Variants in ZFAT observed in about 807,000 individuals in gnomAD.
The protein encoded by ZFAT is zinc finger and AT-hook domain containing, also known as zinc finger protein ZFAT.
In ZFAT, 64 loss-of-function variants were observed where a neutral mutation model predicts 117.7. The ratio of observed to expected loss-of-function variants is 0.54; its 90% confidence interval spans 0.44 to 0.67. ZFAT has a LOEUF of 0.67. Among genes scored for constraint, ZFAT ranks in the 30% least tolerant of loss-of-function variants. The probability of loss-of-function intolerance (pLI) is 0.00; values close to 1 mark genes in which losing one functional copy is unlikely to be tolerated. For synonymous variants in ZFAT, 679 were observed against 615.0 expected (o/e 1.10, Z -1.54); for missense variants, 1,433 against 1,584.5 (o/e 0.90, Z 1.62).
intron 3 of ZFAT, among the ~76,000 whole-genome samples, chr8:134,630,884 T>C (rs1033117106): frequency 6.6e-6 from 1 of 152,228 alleles, no homozygotes. Context: ...AGGTCAGTTG[T>C]TTGAAATGTC....
chr8:134,589,664 G>A (rs1328295114), intron 8 of ZFAT, among the ~76,000 whole-genome samples: 6 of 152,196 alleles, frequency 3.9e-5, no homozygotes, highest in African/African-American at 1.2e-4. Flanking sequence ...GCAGGGGTGC[G>A]GGGTGGACCC....
the ZFAT span, among the ~76,000 whole-genome samples, chr8:134,808,175 T>G: frequency 6.6e-6 from 1 of 151,934 alleles, no homozygotes; most frequent in African/African-American, 2.4e-5. Flanking sequence ...GACATGCACA[T>G]GCACACATGC....
intron 15 of ZFAT, among the ~76,000 whole-genome samples, chr8:134,488,282 A>C (rs1817797212): frequency 6.6e-6 from 1 of 152,208 alleles, no homozygotes; most frequent in African/African-American, 2.4e-5. Flanking sequence ...TGGGGCTGGA[A>C]GTGACTGAGA....
the ZFAT span, among the ~76,000 whole-genome samples, chr8:134,774,580 C>T: frequency 6.6e-6 from 1 of 152,158 alleles, no homozygotes; most frequent in Non-Finnish European, 1.5e-5. Flanking sequence ...AAGATATGTA[C>T]ACTTTTTAGG....
At chr8:134,719,745 G>T in the ZFAT span, among the ~76,000 whole-genome samples, 1 of 152,238 alleles carries the variant, frequency 6.6e-6, no homozygotes, top group Non-Finnish European at 1.5e-5. Flanking sequence ...CTGTGAATGT[G>T]CAGAGGGGAA....
the ZFAT span, chr8:134,784,676 T>A: frequency 6.6e-6 from 1 of 152,200 alleles, no homozygotes; most frequent in African/African-American, 2.4e-5. Context: ...AATTGTTTTA[T>A]CATACATATG....
At chr8:134,772,432 C>G in the ZFAT span, among the ~76,000 whole-genome samples, 1 of 152,116 alleles carries the variant, frequency 6.6e-6, no homozygotes, top group Non-Finnish European at 1.5e-5. Flanking sequence ...AAGATCAAAC[C>G]AACCACAATA....
At chr8:134,749,655 A>G in the ZFAT span, among the ~76,000 whole-genome samples, 5 of 152,208 alleles carry the variant, frequency 3.3e-5, no homozygotes, top group Non-Finnish European at 7.3e-5. Context: ...AACTGATTTT[A>G]CATACAGTAT....
At chr8:134,601,410 C>A in intron 6 of ZFAT, 67 bp downstream of exon 6, 1 of 1,528,684 alleles carries the variant, frequency 6.5e-7, no homozygotes, top group Non-Finnish European at 8.8e-7. Flanking sequence ...GAGCTCAAAT[C>A]AAATGCGAGG....
intron 7 of ZFAT, among the ~76,000 whole-genome samples, chr8:134,592,777 C>T (rs1014288596): frequency 6.6e-6 from 1 of 152,166 alleles, no homozygotes; most frequent in Non-Finnish European, 1.5e-5. Context: ...CACCCTCCAC[C>T]TCCTTTGGTG....
chr8:134,684,675 A>G (rs925454162), intron 1 of ZFAT, among the ~76,000 whole-genome samples: 8 of 152,222 alleles, frequency 5.3e-5, no homozygotes, highest in Non-Finnish European at 1.2e-4. Flanking sequence ...AAATGACCCA[A>G]AAAATAAAAG....
intron 3 of ZFAT, among the ~76,000 whole-genome samples, chr8:134,625,161 A>C (rs17771076): frequency 0.23 from 35,483 of 152,104 alleles, 4,584 homozygotes; most frequent in African/African-American, 0.34. Flanking sequence ...ATCCTCCTAT[A>C]TCTCTTACTA....
chr8:134,648,132 A>C (rs998373018), intron 2 of ZFAT, among the ~76,000 whole-genome samples: 2 of 152,080 alleles, frequency 1.3e-5, no homozygotes, highest in African/African-American at 4.8e-5. Flanking sequence ...TATGTATAAC[A>C]AATCATCACT....
intron 15 of ZFAT, among the ~76,000 whole-genome samples, chr8:134,501,728 C>T (rs1280094290): frequency 6.6e-6 from 1 of 152,166 alleles, no homozygotes; most frequent in Non-Finnish European, 1.5e-5. Flanking sequence ...CTTTTATCTG[C>T]ACTGTGAGAA....
chr8:134,597,077 C>T (rs1301290162), intron 7 of ZFAT, among the ~76,000 whole-genome samples: 2 of 151,682 alleles, frequency 1.3e-5, no homozygotes, highest in African/African-American at 4.9e-5. Context: ...AAAGCTGTTA[C>T]CAAAAAAAAT....
intron 2 of ZFAT, among the ~76,000 whole-genome samples, chr8:134,641,589 G>T (rs6577717): frequency 0.72 from 109,792 of 152,148 alleles, 40,085 homozygotes; most frequent in East Asian, 0.83. Context: ...TGATTGTTTC[G>T]ATTTTTCCCC....
At position 134,478,244 on chromosome 8, in the gene ZFAT, G is replaced by C; in HGVS notation, c.*238C>G. ...TGACACTGAAGTCTTTCAGGAAGCA[G>C]ATGGTAAGGGTCAGGGGGTGTGTGT... On this transcript the variant is annotated 3_prime_UTR_variant, in exon 16 of 16. Transcript: ENST00000377838. The surrounding 1 kb of genome is among the most constrained non-coding windows in gnomAD (Gnocchi z 5.2). 1.8e-6 allele frequency: 1 copy of C among 569,840 alleles called. No individual in the cohort carries two copies. The highest frequency in any genetic ancestry group is 2.3e-5 in the South Asian group (1 of 42,894). The allele number at this position is 569,840 out of a possible 1,614,324, so 35.3% of individuals were successfully genotyped here.
At chr8:134,775,926 G>A in the ZFAT span, among the ~76,000 whole-genome samples, 2 of 152,098 alleles carry the variant, frequency 1.3e-5, no homozygotes, top group Non-Finnish European at 2.9e-5. Flanking sequence ...CAATATTCAG[G>A]GAAACAAAAG....
chr8:134,676,509 A>G (rs989529998), intron 1 of ZFAT, among the ~76,000 whole-genome samples: 1 of 152,138 alleles, frequency 6.6e-6, no homozygotes, highest in Non-Finnish European at 1.5e-5. Flanking sequence ...AAACTTTAAC[A>G]CCTCACTGTC....
Sources: gnomAD v4.1 joint callset for allele counts (sites outside exome capture counted in the v4.1 genomes callset) on GRCh38, gnomAD v4.1.1 for gene constraint, Gnocchi (gnomAD v3.1) non-coding constraint, MANE v1.5 for transcripts, NCBI Gene and HGNC (gene_info 2026-07-23, HGNC 2026-07-21) for gene names.